SPATS2: variants seen among roughly 807,000 people sequenced by gnomAD.
SPATS2 encodes spermatogenesis associated serine rich 2.
SPATS2 carries 38 observed loss-of-function variants against 63.7 expected under a neutral mutation model. The observed-to-expected ratio is 0.60, with a 90% CI of 0.46 to 0.78. The LOEUF is 0.78. Ranked by LOEUF, SPATS2 falls within the 30% of genes least tolerant of loss-of-function variation. The pLI is 0.00. For missense variants in SPATS2, 588 were observed against 666.2 expected, an observed-to-expected ratio of 0.88 and a Z score of 1.29; for synonymous variants, 207 against 232.9, an observed-to-expected ratio of 0.89 and a Z score of 1.01.
intron 9 of SPATS2, among the ~76,000 whole-genome samples, chr12:49,503,336 C>T (rs755885037): frequency 6.7e-6 from 1 of 148,798 alleles, no homozygotes; most frequent in South Asian, 2.1e-4. Flanking sequence ...GGCGATAGGG[C>T]GAGACTCCAT....
At chr12:49,474,456 C>G (rs1020063122) in intron 3 of SPATS2, among the ~76,000 whole-genome samples, 1 of 152,174 alleles carries the variant, frequency 6.6e-6, no homozygotes, top group Non-Finnish European at 1.5e-5. Flanking sequence ...TTGACCTATT[C>G]ATTTCTGTAC....
chr12:49,515,924 G>A (rs1028770278), intron 10 of SPATS2, among the ~76,000 whole-genome samples: 5 of 151,110 alleles, frequency 3.3e-5, no homozygotes, highest in Admixed American at 2.6e-4. Flanking sequence ...GGCAGATCAC[G>A]AGGTCAGGAG....
At chr12:49,509,916 T>C (rs1437642991) in intron 9 of SPATS2, among the ~76,000 whole-genome samples, 1 of 152,002 alleles carries the variant, frequency 6.6e-6, no homozygotes, top group Admixed American at 6.6e-5. Flanking sequence ...GGCGTCTGCA[T>C]TGGCTTTGCT....
intron 6 of SPATS2, among the ~76,000 whole-genome samples, chr12:49,492,690 C>T (rs573833090): frequency 5.6e-4 from 86 of 152,236 alleles, no homozygotes; most frequent in Admixed American, 1.4e-3. Flanking sequence ...CAGTCCAGTC[C>T]ACTTAACTGT....
chr12:49,493,397 C>CTT (rs577929812), intron 6 of SPATS2, among the ~76,000 whole-genome samples: 181 of 139,106 alleles, frequency 1.3e-3, no homozygotes, highest in African/African-American at 4.1e-3. Flanking sequence ...ACTGAAACAT[C>CTT]TTTTTTTTTT....
chr12:49,391,347 A>G (rs1229667679), intron 2 of SPATS2, among the ~76,000 whole-genome samples: 1 of 152,156 alleles, frequency 6.6e-6, no homozygotes, highest in Non-Finnish European at 1.5e-5. Flanking sequence ...CCCCGTCCCT[A>G]CTAAAAATAC....
intron 2 of SPATS2, among the ~76,000 whole-genome samples, chr12:49,418,496 C>T (rs1005477522): frequency 1.3e-5 from 2 of 152,034 alleles, no homozygotes; most frequent in Non-Finnish European, 2.9e-5. Context: ...GACGGGGTTT[C>T]GCCATGTTGG....
At chr12:49,443,592 T>C (rs1668010585) in intron 2 of SPATS2, among the ~76,000 whole-genome samples, 1 of 152,148 alleles carries the variant, frequency 6.6e-6, no homozygotes, top group Admixed American at 6.6e-5. Flanking sequence ...GACCTTCCTC[T>C]TATGTTTTTT....
chr12:49,521,557 T>A (rs192647863), intron 11 of SPATS2, among the ~76,000 whole-genome samples: 54 of 152,320 alleles, frequency 3.5e-4, no homozygotes, highest in Admixed American at 2.0e-4. Flanking sequence ...TCTCACAGGC[T>A]TCATCTGTTC....
chr12:49,401,192 G>A (rs1282913978), intron 2 of SPATS2, among the ~76,000 whole-genome samples: 1 of 151,982 alleles, frequency 6.6e-6, no homozygotes, highest in African/African-American at 2.4e-5. Context: ...AAAATTTTTT[G>A]TAGAGACAAG....
intron 3 of SPATS2, among the ~76,000 whole-genome samples, chr12:49,469,896 A>G (rs1946004059): frequency 6.6e-6 from 1 of 152,108 alleles, no homozygotes; most frequent in Non-Finnish European, 1.5e-5. Flanking sequence ...TCAAAAAAAA[A>G]AGAAGGAAAA....
At chr12:49,458,499 G>A (rs1007493222) in intron 2 of SPATS2, among the ~76,000 whole-genome samples, 17 of 151,760 alleles carry the variant, frequency 1.1e-4, no homozygotes, top group African/African-American at 4.1e-4. Flanking sequence ...AAAAATATTG[G>A]CCAGGAGCAG....
chr12:49,474,586 T>G (rs1946089066), intron 3 of SPATS2, among the ~76,000 whole-genome samples: 1 of 152,244 alleles, frequency 6.6e-6, no homozygotes, highest in Non-Finnish European at 1.5e-5. Flanking sequence ...TAAACTGGAA[T>G]TAGTGCTATT....
At chr12:49,426,733 C>T (rs1000373703) in intron 2 of SPATS2, among the ~76,000 whole-genome samples, 62 of 152,064 alleles carry the variant, frequency 4.1e-4, no homozygotes, top group Admixed American at 3.8e-3. Context: ...TTAGTACAGA[C>T]GGGGTTTCAC....
intron 11 of SPATS2, 26 bp from the exon 12 acceptor site, chr12:49,522,725 G>C: frequency 6.3e-7 from 1 of 1,583,068 alleles, no homozygotes; most frequent in South Asian, 1.1e-5. Context: ...GTCTAACCTG[G>C]AGGCCTTTCT....
chr12:49,420,807 G>A (rs1944967391), intron 2 of SPATS2, among the ~76,000 whole-genome samples: 2 of 152,008 alleles, frequency 1.3e-5, no homozygotes, highest in Admixed American at 6.6e-5. Flanking sequence ...GAGGCCAGGG[G>A]TTCAGGATCA....
intron 2 of SPATS2, among the ~76,000 whole-genome samples, chr12:49,379,313 T>TGA (rs1944166691): frequency 6.6e-6 from 1 of 150,422 alleles, no homozygotes; most frequent in African/African-American, 2.4e-5. Flanking sequence ...TCTGGGAGGC[T>TGA]GAGGTGGGTG....
At chr12:49,374,639 A>T (rs1158771855) in intron 2 of SPATS2, among the ~76,000 whole-genome samples, 1 of 151,388 alleles carries the variant, frequency 6.6e-6, no homozygotes, top group East Asian at 2.0e-4. Context: ...TTCTGCAGCC[A>T]TTGTCCTATG....
At chr12:49,431,240 T>C (rs996135021) in intron 2 of SPATS2, among the ~76,000 whole-genome samples, 4 of 151,936 alleles carry the variant, frequency 2.6e-5, no homozygotes, top group Non-Finnish European at 4.4e-5. Context: ...TTAATAAATA[T>C]ATAAAGAACT....
Sources: gnomAD v4.1 joint callset for allele counts (sites outside exome capture counted in the v4.1 genomes callset) on GRCh38, gnomAD v4.1.1 for gene constraint, MANE v1.5 for transcripts, NCBI Gene and HGNC (gene_info 2026-07-23, HGNC 2026-07-21) for gene names.